The following AGO3 variants were observed in gnomAD, a reference collection of about 807,000 sequenced individuals.
The protein encoded by AGO3 is protein argonaute-3.
In AGO3, 16 loss-of-function variants were observed where a neutral mutation model predicts 105.5. The observed-to-expected ratio is 0.15, with a 90% CI of 0.10 to 0.23. The LOEUF is 0.23. AGO3 is among the 10% of genes least tolerant of loss of function. The pLI is 1.00. For missense variants in AGO3, 534 were observed against 1,088.0 expected, an observed-to-expected ratio of 0.49 and a Z score of 7.16; for synonymous variants, 340 against 367.3, an observed-to-expected ratio of 0.93 and a Z score of 0.85.
chr1:36,053,158 C>T (rs902296053), intron 17 of AGO3, among the ~76,000 whole-genome samples: 1 of 151,700 alleles, frequency 6.6e-6, no homozygotes, highest in Non-Finnish European at 1.5e-5. Context: ...CTTTTGAAGA[C>T]CATTGATATG....
At position 35,945,699 on chromosome 1, in the gene AGO3, T is replaced by A; in HGVS notation, c.27T>A (p.Ala9=). The change falls in exon 2 of 19, where the codon GCT becomes GCA. Residue 9 remains alanine, a synonymous_variant. Coordinates refer to ENST00000373191, the MANE Select transcript of AGO3 (RefSeq NM_024852.4). MEIGSAGP[A]GAQPLLMVPR... The stretch of plus-strand genomic sequence containing the variant: ...TTCCCTTTCCCCTGGCAGGACCCGC[T>A]GGGGCCCAGCCCCTACTCATGGTGC... 1 of 1,611,390 alleles carries A rather than the reference T, an allele frequency of 6.2e-7. No individual in the cohort carries two copies. Among genetic ancestry groups the A allele is most frequent in the Non-Finnish European group, 8.5e-7 (1 of 1,179,520 alleles).
At chr1:36,037,714 A>G (rs2148846900) in intron 14 of AGO3, among the ~76,000 whole-genome samples, 1 of 152,242 alleles carries the variant, frequency 6.6e-6, no homozygotes, top group Non-Finnish European at 1.5e-5. Flanking sequence ...TTGCTTTTGT[A>G]TTTTTAATGT....
At chr1:35,947,173 C>T (rs1206237899) in intron 2 of AGO3, among the ~76,000 whole-genome samples, 1 of 151,754 alleles carries the variant, frequency 6.6e-6, no homozygotes, top group Admixed American at 6.6e-5. Flanking sequence ...TGAGAAGAAC[C>T]AGGTGTATTG....
chr1:36,012,794 C>G lies in AGO3; in HGVS notation c.1150-836C>G, dbSNP rs561602929. ...AATTAACATTTTCAGCTGGGTAGTA[C>G]ATAGTGGTGCATGCCTATGTTCCCA... On this transcript the variant is annotated intron_variant, in intron 9 of 18. Transcript: ENST00000373191. Among the ~76,000 whole-genome samples the G allele has an allele frequency of 8.4e-4, 128 of 152,000 alleles. 1 individual carries two copies. The highest frequency in any genetic ancestry group is 3.0e-3 in the African/African-American group (126 of 41,456).
chr1:36,009,407 T>G, intron 8 of AGO3, 68 bp from the exon 9 acceptor site: 1 of 1,485,172 alleles, frequency 6.7e-7, no homozygotes, highest in Non-Finnish European at 9.0e-7. Flanking sequence ...TTACATGTAA[T>G]TGGCACTAAG....
intron 14 of AGO3, among the ~76,000 whole-genome samples, chr1:36,038,357 G>A (rs1026827792): frequency 1.4e-5 from 2 of 146,280 alleles, no homozygotes; most frequent in African/African-American, 2.5e-5. Flanking sequence ...CCGGGTTCAC[G>A]CCATCCTCCT....
chr1:36,011,982 T>C (rs1391415836), intron 9 of AGO3, among the ~76,000 whole-genome samples: 2 of 152,186 alleles, frequency 1.3e-5, no homozygotes, highest in Non-Finnish European at 2.9e-5. Context: ...GCTGTAACCT[T>C]ATTACAGGAT....
chr1:36,007,840 A>G (rs1286412966), intron 6 of AGO3, among the ~76,000 whole-genome samples: 1 of 152,180 alleles, frequency 6.6e-6, no homozygotes, highest in Non-Finnish European at 1.5e-5. Flanking sequence ...CTTTGACAGC[A>G]CTGCTTCAGA....
chr1:35,988,568 A>G (rs1044707126), intron 5 of AGO3, among the ~76,000 whole-genome samples: 26 of 151,688 alleles, frequency 1.7e-4, no homozygotes, highest in African/African-American at 6.3e-4. Context: ...ATTTAACATA[A>G]TATCCTCCAG....
At chr1:35,999,089 A>G (rs892845109) in intron 5 of AGO3, among the ~76,000 whole-genome samples, 3 of 152,216 alleles carry the variant, frequency 2.0e-5, no homozygotes, top group African/African-American at 4.8e-5. Context: ...ACGGTGGCTC[A>G]TGCCTGTAAT....
intron 1 of AGO3, among the ~76,000 whole-genome samples, chr1:35,940,962 A>C (rs1331359574): frequency 2.0e-5 from 3 of 152,124 alleles, no homozygotes; most frequent in African/African-American, 7.2e-5. Context: ...TTTAAATAAC[A>C]CTTCTATGCT....
intron 2 of AGO3, among the ~76,000 whole-genome samples, chr1:35,964,561 A>G (rs1412822150): frequency 6.6e-6 from 1 of 152,122 alleles, no homozygotes; most frequent in African/African-American, 2.4e-5. Context: ...TGTCTTTGCT[A>G]TTGTGAATAG....
chr1:35,958,418 T>C (rs776981647), intron 2 of AGO3, among the ~76,000 whole-genome samples: 9 of 151,872 alleles, frequency 5.9e-5, no homozygotes, highest in Non-Finnish European at 1.0e-4. Context: ...CCCAGCACTT[T>C]GGGAGGCTGA....
rs956718912 is a variant in AGO3, at chr1:36,044,509, C to T, written c.2274+961C>T. Among the ~76,000 whole-genome samples, 8 of 151,836 alleles carry T rather than the reference C, an allele frequency of 5.3e-5. 1 individual carries two copies. Among genetic ancestry groups the T allele is most frequent in the Admixed American group, 2.6e-4 (4 of 15,250 alleles). ...CATGATCTCGGCTCACTGCAAGCTC[C>T]GCCTCCCAGGTTCAAGTGACTCTCA... On this transcript the variant is annotated intron_variant, in intron 17 of 18. Transcript: ENST00000373191.
At chr1:35,996,090 A>G (rs930194451) in intron 5 of AGO3, among the ~76,000 whole-genome samples, 2 of 152,106 alleles carry the variant, frequency 1.3e-5, no homozygotes, top group South Asian at 2.1e-4. Flanking sequence ...TATAATCCCA[A>G]CACTTTGGGA....
chr1:35,945,697 G>T lies in AGO3; in HGVS notation c.25G>T (p.Ala9Ser), dbSNP rs768553614. ...TTTTCCCTTTCCCCTGGCAGGACCC[G>T]CTGGGGCCCAGCCCCTACTCATGGT... is the stretch of plus-strand genomic sequence containing the variant. MEIGSAGPAGAQPLLMVPR... is the reference protein window; with the variant it reads MEIGSAGPSGAQPLLMVPR... Residue 9 changes from alanine (A) to serine (S), a missense_variant, in exon 2 of 19, where the codon GCT becomes TCT. Physicochemically the swap from Ala to Ser is moderately conservative, Grantham distance 99. Transcript: ENST00000373191. 15 of 1,609,992 alleles carry T rather than the reference G, an allele frequency of 9.3e-6. No individual in the cohort carries two copies. The highest frequency in any genetic ancestry group is 2.1e-4 in the Middle Eastern group (1 of 4,762).
At chr1:35,993,575 T>G (rs1647896282) in intron 5 of AGO3, among the ~76,000 whole-genome samples, 1 of 152,046 alleles carries the variant, frequency 6.6e-6, no homozygotes. Context: ...GAAGCCTGAA[T>G]AGCCCTATAT....
Position 36,069,106 on chromosome 1 carries a change from G to A in AGO3, c.*13361G>A, listed in dbSNP as rs546188319. Reference sequence around the variant, plus strand: ...TCCTCACCTACCTCACTAAATTGTTGGAGTTCTTTTGTTCTGAGTCAGGGT... The same window carrying A: ...TCCTCACCTACCTCACTAAATTGTTAGAGTTCTTTTGTTCTGAGTCAGGGT... On this transcript the variant is annotated 3_prime_UTR_variant, in exon 19 of 19. Transcript: ENST00000373191. The A allele has an allele frequency of 2.0e-5, 3 of 152,264 alleles. No individual in the cohort carries two copies. The East Asian group carries it at 5.8e-4, about 29-fold the overall frequency. 9.4% of individuals were successfully genotyped at this position (152,264 alleles called of 1,614,324 possible).
chr1:35,968,065 A>C (rs1646805422), intron 3 of AGO3, among the ~76,000 whole-genome samples: 1 of 152,176 alleles, frequency 6.6e-6, no homozygotes, highest in South Asian at 2.1e-4. Context: ...CATTATTGGC[A>C]GGAATATTAT....
Sources: allele counts gnomAD v4.1 joint callset (sites outside exome capture counted in the v4.1 genomes callset), GRCh38; gene constraint gnomAD v4.1.1; transcripts MANE v1.5; gene names NCBI Gene and HGNC (gene_info 2026-07-23, HGNC 2026-07-21).